CGAS: variants seen among roughly 807,000 people sequenced by gnomAD.
CGAS encodes the protein cyclic GMP-AMP synthase, also known as 2'3'-cGAMP synthase.
CGAS carries 31 observed loss-of-function variants against 34.0 expected under a neutral mutation model. The ratio of observed to expected loss-of-function variants is 0.91; its 90% CI spans 0.69 to 1.23. The LOEUF (loss-of-function observed/expected upper bound fraction) is 1.23. CGAS is among the 50% of genes most tolerant of loss of function. The probability of loss-of-function intolerance (pLI) is 0.00; values close to 1 mark genes in which losing one functional copy is unlikely to be tolerated. For synonymous variants in CGAS, 266 were observed against 260.0 expected (o/e 1.02, Z -0.22); for missense variants, 597 against 657.6 (o/e 0.91, Z 1.01).
intron 3 of CGAS, among the ~76,000 whole-genome samples, chr6:73,434,244 G>A (rs147593490): frequency 1.3e-5 from 2 of 151,780 alleles, no homozygotes; most frequent in East Asian, 3.9e-4. Context: ...AGATATGGAG[G>A]GCCAACTGTA....
At chr6:73,442,315 A>G (rs1399853420) in intron 2 of CGAS, among the ~76,000 whole-genome samples, 2 of 152,006 alleles carry the variant, frequency 1.3e-5, no homozygotes, top group African/African-American at 4.8e-5. Context: ...TGAAATTCAT[A>G]CAAAGGGTTA....
At chr6:73,446,910 G>A (rs145026579) in intron 1 of CGAS, among the ~76,000 whole-genome samples, 60 of 152,118 alleles carry the variant, frequency 3.9e-4, no homozygotes, top group Admixed American at 2.0e-3. Flanking sequence ...ATGAAAATTA[G>A]CTAGGTGTGG....
intron 4 of CGAS, among the ~76,000 whole-genome samples, chr6:73,428,470 T>C (rs983769581): frequency 1.3e-5 from 2 of 152,094 alleles, no homozygotes; most frequent in Non-Finnish European, 2.9e-5. Context: ...CAAAAACACA[T>C]TCATCTGATC....
chr6:73,450,484 G>T (rs1377104971), intron 1 of CGAS, among the ~76,000 whole-genome samples: 1 of 151,824 alleles, frequency 6.6e-6, no homozygotes, highest in South Asian at 2.1e-4. Context: ...CAAGAAACAC[G>T]CTCCAGTCAG....
At chr6:73,449,262 G>A (rs1391764788) in intron 1 of CGAS, among the ~76,000 whole-genome samples, 2 of 151,734 alleles carry the variant, frequency 1.3e-5, no homozygotes, top group Non-Finnish European at 2.9e-5. Context: ...AGATCATGAG[G>A]TCAGGAGATA....
At chr6:73,427,432 G>A (rs1024032762) in intron 4 of CGAS, among the ~76,000 whole-genome samples, 6 of 151,370 alleles carry the variant, frequency 4.0e-5, no homozygotes, top group African/African-American at 9.7e-5. Flanking sequence ...CCTGAGTAGC[G>A]GGGATTACAG....
intron 3 of CGAS, chr6:73,439,742 T>C (rs1002865520): frequency 6.4e-6 from 1 of 155,442 alleles, no homozygotes; most frequent in Admixed American, 6.4e-5. Flanking sequence ...AATATTAATA[T>C]GTAATAACGT....
Position 73,452,016 on chromosome 6 carries a change from T to C in CGAS, c.166A>G (p.Lys56Glu). ...CTCTTTTTCTGCCGGGATCCCGACTTCCTGGCGGGGCCGAACTTTCCCGCC... is the reference window on the plus strand; with the variant it reads ...CTCTTTTTCTGCCGGGATCCCGACTCCCTGGCGGGGCCGAACTTTCCCGCC... ...PKAGKFGPARKSGSRQKKSAP... is the reference protein window; with the variant it reads ...PKAGKFGPARESGSRQKKSAP... The change falls in exon 1 of 5, where the codon AAG (lysine) becomes GAG (glutamate). Residue 56 changes from lysine to glutamate, a missense_variant. Transcript: ENST00000370315. 6.7e-7 allele frequency: 1 copy of C among 1,483,288 alleles called. No individual in the cohort carries two copies. The allele number at this position is 1,483,288 out of a possible 1,614,324, so 91.9% of individuals were successfully genotyped here.
intron 2 of CGAS, among the ~76,000 whole-genome samples, chr6:73,441,811 C>T (rs1037473219): frequency 6.6e-6 from 1 of 152,116 alleles, no homozygotes; most frequent in African/African-American, 2.4e-5. Context: ...GCAAACCTGG[C>T]CACCTGTTAC....
chr6:73,443,950 C>G (rs182033096), intron 2 of CGAS, among the ~76,000 whole-genome samples: 136 of 152,248 alleles, frequency 8.9e-4, no homozygotes, highest in Non-Finnish European at 1.5e-3. Context: ...CAGCCAGGGA[C>G]CAGATTCTGT....
chr6:73,445,806 G>A, intron 1 of CGAS, 59 bp from the exon 2 acceptor site: 4 of 1,314,144 alleles, frequency 3.0e-6, no homozygotes, highest in Non-Finnish European at 4.2e-6. Flanking sequence ...CCAAGTGACT[G>A]GAACTTTTTA....
intron 2 of CGAS, among the ~76,000 whole-genome samples, chr6:73,441,659 T>C (rs1770382832): frequency 6.6e-6 from 1 of 152,158 alleles, no homozygotes; most frequent in South Asian, 2.1e-4. Flanking sequence ...CAAGTGGAGA[T>C]GGCTGCTGGG....
chr6:73,431,951 G>A (rs529498007), intron 3 of CGAS, among the ~76,000 whole-genome samples: 8 of 150,932 alleles, frequency 5.3e-5, no homozygotes, highest in Non-Finnish European at 8.9e-5. Context: ...CATGTTAGCC[G>A]TTCCAATAGC....
intron 2 of CGAS, among the ~76,000 whole-genome samples, chr6:73,441,968 C>T (rs1770388008): frequency 6.6e-6 from 1 of 152,000 alleles, no homozygotes; most frequent in Non-Finnish European, 1.5e-5. Flanking sequence ...CACCTCCCAG[C>T]TTCAAGTGAT....
chr6:73,429,914 A>G (rs1300709517), intron 3 of CGAS, among the ~76,000 whole-genome samples: 1 of 152,132 alleles, frequency 6.6e-6, no homozygotes, highest in Non-Finnish European at 1.5e-5. Context: ...ATACTAGCAA[A>G]GTATAAGTAG....
At chr6:73,427,739 C>T (rs755906620) in intron 4 of CGAS, among the ~76,000 whole-genome samples, 5 of 152,056 alleles carry the variant, frequency 3.3e-5, no homozygotes, top group Non-Finnish European at 7.4e-5. Flanking sequence ...GAGGCCAAGG[C>T]GGGAAGTTTA....
chr6:73,440,117 C>A, intron 3 of CGAS, 92 bp downstream of exon 3: 1 of 1,168,326 alleles, frequency 8.6e-7, no homozygotes, highest in Non-Finnish European at 1.2e-6. Context: ...GAAATGACAA[C>A]AGCATTGGTT....
chr6:73,437,028 G>A (rs1770291855), intron 3 of CGAS, among the ~76,000 whole-genome samples: 1 of 151,990 alleles, frequency 6.6e-6, no homozygotes, highest in South Asian at 2.1e-4. Flanking sequence ...GCACACACCT[G>A]TAATCCCATC....
In CGAS at chr6:73,428,708, C is replaced by T. The variant is rs375699877; in HGVS notation, c.1217+1G>A. On this transcript the variant is annotated splice_donor_variant, in intron 4 of 4. Coordinates refer to ENST00000370315, the MANE Select transcript of CGAS (RefSeq NM_138441.3). LOFTEE classifies it high-confidence loss of function. Reference sequence around the variant, plus strand: ...GTCATTTAACAAAATAAGGCTGTTACCTGCAACATTTCTCTTCTTTGTTTT... The same window carrying T: ...GTCATTTAACAAAATAAGGCTGTTATCTGCAACATTTCTCTTCTTTGTTTT... The T allele has an allele frequency of 1.9e-5, 30 of 1,608,098 alleles. No individual in the cohort carries two copies. Among genetic ancestry groups the T allele is most frequent in the Non-Finnish European group, 2.5e-5 (29 of 1,178,030 alleles).
Sources: gnomAD v4.1 joint callset for allele counts (sites outside exome capture counted in the v4.1 genomes callset) on GRCh38, gnomAD v4.1.1 for gene constraint, MANE v1.5 for transcripts, NCBI Gene and HGNC (gene_info 2026-07-23, HGNC 2026-07-21) for gene names.